Variants in SAMD12 observed in about 807,000 individuals in gnomAD.
The protein encoded by SAMD12 is sterile alpha motif domain containing 12.
SAMD12 carries 9 observed loss-of-function variants against 15.0 expected under a neutral mutation model. That is an observed-to-expected ratio of 0.60 (90% confidence interval 0.36 to 1.05). The LOEUF is 1.05. Among genes scored for constraint, SAMD12 ranks in the 50% least tolerant of loss-of-function variants. The probability of loss-of-function intolerance (pLI) is 0.01; values close to 1 mark genes in which losing one functional copy is unlikely to be tolerated. For synonymous variants in SAMD12, 86 were observed against 90.1 expected (o/e 0.96, Z 0.25); for missense variants, 230 against 234.2 (o/e 0.98, Z 0.12).
At position 118,575,891 on chromosome 8, in the gene SAMD12, G is replaced by A. The variant is rs192107402; in HGVS notation, c.192+4824C>T. Among the ~76,000 whole-genome samples, 951 of 152,216 alleles carry A rather than the reference G, an allele frequency of 6.2e-3. 7 individuals carry two copies. Among genetic ancestry groups the A allele is most frequent in the Non-Finnish European group, 0.01 (697 of 68,006 alleles). On this transcript the variant is annotated intron_variant, in intron 2 of 3. Transcript: ENST00000314727. ...TAGGAAACAGATAGGATACTGATGG[G>A]CTGATCTTATTCCACAGCCAGAATT...
chr8:118,348,566 G>A (rs928126666), intron 4 of SAMD12, among the ~76,000 whole-genome samples: 14 of 151,966 alleles, frequency 9.2e-5, no homozygotes, highest in Non-Finnish European at 1.6e-4. Flanking sequence ...TAGAGACGGG[G>A]TTTCACCGTG....
rs951598911 is a variant in SAMD12 at position 118,425,083 on chromosome 8, C to T, written c.322+14749G>A. On this transcript the variant is annotated intron_variant, in intron 3 of 3. Coordinates refer to ENST00000314727, the MANE Select transcript of SAMD12 (RefSeq NM_207506.3). ...CCTCCTGAGTAGCTGGGACTACAGG[C>T]GCCCGCCACCACGCCCAGCTAATTT... 5.9e-5 allele frequency among the ~76,000 whole-genome samples: 9 copies of T among 151,834 alleles called. 1 individual carries two copies. The South Asian group carries it at 8.3e-4, about 14-fold the overall frequency.
intron 3 of SAMD12, among the ~76,000 whole-genome samples, chr8:118,401,934 G>A (rs983829170): frequency 6.6e-6 from 1 of 152,136 alleles, no homozygotes; most frequent in African/African-American, 2.4e-5. Flanking sequence ...TTTTTAAGAT[G>A]AAAGTGAGCT....
Position 118,213,949 on chromosome 8 carries a change from A to C in SAMD12, c.434-16217T>G, listed in dbSNP as rs149270672. Among the ~76,000 whole-genome samples the C allele has an allele frequency of 7.3e-3, 1,118 of 152,318 alleles. 8 individuals carry two copies. The highest frequency in any genetic ancestry group is 0.014 in the South Asian group (67 of 4,824). ...CATTCAAGAGAAAAAAAGTTTCAGC[A>C]CAGCACACCCACCTATTGACCACAC... is the stretch of plus-strand genomic sequence containing the variant. On this transcript the variant is annotated intron_variant, in intron 4 of 4. Coordinates refer to the SAMD12 transcript ENST00000409003.
At chr8:118,372,833 T>G (rs925893941) in intron 4 of SAMD12, among the ~76,000 whole-genome samples, 50 of 152,238 alleles carry the variant, frequency 3.3e-4, no homozygotes, top group African/African-American at 1.1e-3. Context: ...AGTGGAATAC[T>G]CAGCAATGAA....
intron 3 of SAMD12, among the ~76,000 whole-genome samples, chr8:118,397,107 T>C (rs908779512): frequency 3.9e-5 from 6 of 152,138 alleles, no homozygotes; most frequent in East Asian, 3.9e-4. Context: ...AGATATTCAA[T>C]AGAAATACAA....
At chr8:118,362,805 A>T (rs1471744255) in intron 4 of SAMD12, among the ~76,000 whole-genome samples, 2 of 152,244 alleles carry the variant, frequency 1.3e-5, no homozygotes, top group African/African-American at 2.4e-5. Context: ...AAAATTTCAC[A>T]TTATTGATCT....
intron 3 of SAMD12, among the ~76,000 whole-genome samples, chr8:118,433,339 T>C (rs1822470834): frequency 6.6e-6 from 1 of 152,216 alleles, no homozygotes; most frequent in Non-Finnish European, 1.5e-5. Flanking sequence ...CTCCAAAGAC[T>C]TTTATCAGGA....
intron 4 of SAMD12, among the ~76,000 whole-genome samples, chr8:118,266,463 A>G (rs1276037369): frequency 6.6e-6 from 1 of 152,220 alleles, no homozygotes; most frequent in African/African-American, 2.4e-5. Context: ...GAATTACCAT[A>G]TAATCTAACA....
the SAMD12 span, among the ~76,000 whole-genome samples, chr8:118,160,094 A>C: frequency 6.6e-6 from 1 of 152,218 alleles, no homozygotes; most frequent in Non-Finnish European, 1.5e-5. Flanking sequence ...ATATTCCAGA[A>C]CAAATCTCAA....
chr8:118,191,015 A>T (rs1819354768), exon 5 of SAMD12: 1 of 152,144 alleles, frequency 6.6e-6, no homozygotes, highest in Admixed American at 6.5e-5. Flanking sequence ...TTTTGTGCAA[A>T]GCTATTTAAT....
At chr8:118,135,005 T>C in the SAMD12 span, among the ~76,000 whole-genome samples, 4 of 152,290 alleles carry the variant, frequency 2.6e-5, no homozygotes, top group Admixed American at 2.6e-4. Flanking sequence ...GCTAACAAGC[T>C]TCAGGTGCTG....
chr8:118,312,230 A>C (rs181810295), intron 4 of SAMD12, among the ~76,000 whole-genome samples: 2 of 152,142 alleles, frequency 1.3e-5, no homozygotes, highest in Admixed American at 6.5e-5. Flanking sequence ...TTATCATGTT[A>C]TATAGCTTTG....
chr8:118,444,006 T>C (rs184920898), intron 2 of SAMD12, among the ~76,000 whole-genome samples: 11 of 152,324 alleles, frequency 7.2e-5, no homozygotes, highest in Admixed American at 7.2e-4. Flanking sequence ...TTCGACCGCC[T>C]CGTCTCCTTT....
chr8:118,548,376 A>AAC (rs1320502331), intron 2 of SAMD12, among the ~76,000 whole-genome samples: 29 of 126,808 alleles, frequency 2.3e-4, no homozygotes, highest in Middle Eastern at 4.2e-3. Context: ...TTACACTAAA[A>AAC]ACACACATAC....
At chr8:118,466,347 T>G (rs537377910) in intron 2 of SAMD12, among the ~76,000 whole-genome samples, 6 of 152,198 alleles carry the variant, frequency 3.9e-5, no homozygotes, top group Admixed American at 6.5e-5. Context: ...CTAAGACACT[T>G]ACGAAGACTA....
chr8:118,475,114 C>T (rs1323183987), intron 2 of SAMD12, among the ~76,000 whole-genome samples: 1 of 152,178 alleles, frequency 6.6e-6, no homozygotes, highest in Admixed American at 6.5e-5. Context: ...TGATGCATGC[C>T]TGTAGTCCCA....
chr8:118,605,171 A>G (rs1563608331), intron 1 of SAMD12, among the ~76,000 whole-genome samples: 1 of 152,136 alleles, frequency 6.6e-6, no homozygotes, highest in East Asian at 1.9e-4. Flanking sequence ...GACAACGACC[A>G]TCAAAAAGTC....
At chr8:118,548,899 C>T (rs1299849207) in intron 2 of SAMD12, among the ~76,000 whole-genome samples, 1 of 152,250 alleles carries the variant, frequency 6.6e-6, no homozygotes, top group East Asian at 1.9e-4. Context: ...TTGGAGGGTC[C>T]TACGCCCACG....
Sources: gnomAD v4.1 joint callset for allele counts (sites outside exome capture counted in the v4.1 genomes callset) on GRCh38, gnomAD v4.1.1 for gene constraint, MANE v1.5 for transcripts, NCBI Gene and HGNC (gene_info 2026-07-23, HGNC 2026-07-21) for gene names.